The following GPC6 variants were observed in gnomAD, a reference collection of about 807,000 sequenced individuals.
GPC6 encodes the protein glypican-6.
Under a neutral mutation model 55.2 loss-of-function variants are expected in GPC6, and 14 were observed. The ratio of observed to expected loss-of-function variants is 0.25; its 90% CI spans 0.17 to 0.40. GPC6 has a LOEUF of 0.40. GPC6 is among the 10% of genes least tolerant of loss of function. GPC6 has a pLI of 1.00. For synonymous variants in GPC6, 278 were observed against 259.6 expected (o/e 1.07, Z -0.68); for missense variants, 641 against 708.5 (o/e 0.90, Z 1.08).
chr13:93,923,045 A>G (rs555448425), intron 3 of GPC6, among the ~76,000 whole-genome samples: 1 of 152,336 alleles, frequency 6.6e-6, no homozygotes, highest in Admixed American at 6.5e-5. Context: ...GACCAGACAG[A>G]TGCAAAGAAA....
chr13:93,725,645 T>C (rs1271609903), intron 2 of GPC6, among the ~76,000 whole-genome samples: 2 of 152,066 alleles, frequency 1.3e-5, no homozygotes, highest in African/African-American at 4.8e-5. Flanking sequence ...AGACTGTGCA[T>C]TACCAATAAT....
At chr13:93,655,112 G>A (rs1352339725) in intron 2 of GPC6, among the ~76,000 whole-genome samples, 1 of 148,484 alleles carries the variant, frequency 6.7e-6, no homozygotes, top group Non-Finnish European at 1.5e-5. Flanking sequence ...GCCTCCTAAA[G>A]TGCTGGGATT....
intron 4 of GPC6, among the ~76,000 whole-genome samples, chr13:94,079,518 T>TGG: frequency 6.6e-6 from 1 of 152,284 alleles, no homozygotes; most frequent in Admixed American, 6.5e-5. Context: ...ATGATGTATT[T>TGG]GAGTTCGTTG....
chr13:93,328,751 C>G (rs1267518889), intron 1 of GPC6, among the ~76,000 whole-genome samples: 1 of 151,568 alleles, frequency 6.6e-6, no homozygotes, highest in African/African-American at 2.4e-5. Flanking sequence ...TAGCGAGAAT[C>G]TATGAACTAT....
At chr13:93,653,146 T>C (rs1880492289) in intron 2 of GPC6, among the ~76,000 whole-genome samples, 1 of 152,188 alleles carries the variant, frequency 6.6e-6, no homozygotes, top group South Asian at 2.1e-4. Context: ...ATATGATGAA[T>C]GCTGTCAGTG....
chr13:94,084,947 A>G (rs76521581), intron 4 of GPC6, among the ~76,000 whole-genome samples: 2,561 of 152,168 alleles, frequency 0.017, 71 homozygotes, highest in African/African-American at 0.058. Flanking sequence ...GTGAGAGTTT[A>G]TGTCAAAAGT....
intron 1 of GPC6, among the ~76,000 whole-genome samples, chr13:93,457,606 A>G (rs1046530302): frequency 6.6e-6 from 1 of 152,154 alleles, no homozygotes; most frequent in African/African-American, 2.4e-5. Flanking sequence ...TGATCTCCCA[A>G]GTAAGGGAAG....
At chr13:93,408,501 A>T (rs1452627691) in intron 1 of GPC6, among the ~76,000 whole-genome samples, 1 of 152,170 alleles carries the variant, frequency 6.6e-6, no homozygotes, top group African/African-American at 2.4e-5. Context: ...AAACTGAGCA[A>T]TATTATTGGA....
intron 2 of GPC6, among the ~76,000 whole-genome samples, chr13:93,618,634 C>T (rs1042083407): frequency 6.6e-6 from 1 of 152,056 alleles, no homozygotes; most frequent in Non-Finnish European, 1.5e-5. Context: ...GCAGAACTCT[C>T]GAAGTCTGTA....
intron 3 of GPC6, among the ~76,000 whole-genome samples, chr13:93,992,699 G>A (rs908642969): frequency 1.3e-5 from 2 of 152,132 alleles, no homozygotes; most frequent in Non-Finnish European, 2.9e-5. Flanking sequence ...GTGAGATGAA[G>A]TCATTATTTA....
chr13:94,296,010 C>A (rs745634571), intron 5 of GPC6, among the ~76,000 whole-genome samples: 2 of 151,760 alleles, frequency 1.3e-5, no homozygotes, highest in Non-Finnish European at 2.9e-5. Context: ...CATTACCTAG[C>A]ACACATAAAA....
chr13:93,273,831 CAG>C (rs1251871387), intron 1 of GPC6, among the ~76,000 whole-genome samples: 3 of 151,498 alleles, frequency 2.0e-5, no homozygotes, highest in African/African-American at 4.8e-5. Context: ...TTTTTTGAGA[CAG>C]AGTCTCACTC....
chr13:93,421,399 A>G (rs949915482), intron 1 of GPC6, among the ~76,000 whole-genome samples: 1 of 151,900 alleles, frequency 6.6e-6, no homozygotes, highest in Non-Finnish European at 1.5e-5. Context: ...TTTTAGCATT[A>G]TTGTTATTTT....
chr13:94,117,854 A>G (rs558372030), intron 4 of GPC6, among the ~76,000 whole-genome samples: 2 of 152,214 alleles, frequency 1.3e-5, no homozygotes, highest in African/African-American at 4.8e-5. Context: ...ATGATTTCTG[A>G]ATATAGATTT....
intron 2 of GPC6, among the ~76,000 whole-genome samples, chr13:93,604,391 C>T (rs1369951359): frequency 6.6e-6 from 1 of 152,152 alleles, no homozygotes; most frequent in Non-Finnish European, 1.5e-5. Flanking sequence ...GAAGGCCTTG[C>T]TTGCTACCAA....
Position 93,705,648 on chromosome 13 carries a change from T to C in GPC6, c.320-124506T>C, listed in dbSNP as rs116291828. 4.5e-3 allele frequency among the ~76,000 whole-genome samples: 678 copies of C among 151,820 alleles called. 3 individuals are homozygous for C. The highest frequency in any genetic ancestry group is 0.015 in the African/African-American group (623 of 41,470). On this transcript the variant is annotated intron_variant, in intron 2 of 8. Transcript: ENST00000377047. ...ATTAAGTAGTGTTTCAGATAGTTAA[T>C]GGATATTGGGGATCAAAACATGAGA...
intron 1 of GPC6, among the ~76,000 whole-genome samples, chr13:93,229,090 TG>T (rs1444467134): frequency 6.6e-6 from 1 of 152,206 alleles, no homozygotes; most frequent in African/African-American, 2.4e-5. Context: ...TTTCTATCCT[TG>T]TTACTTCTTC....
chr13:93,583,499 A>T (rs886446907), intron 2 of GPC6, among the ~76,000 whole-genome samples: 1 of 152,014 alleles, frequency 6.6e-6, no homozygotes, highest in Non-Finnish European at 1.5e-5. Flanking sequence ...GCTCACCGCA[A>T]CCTCCGCCTC....
chr13:93,642,069 T>A (rs989340168), intron 2 of GPC6, among the ~76,000 whole-genome samples: 1 of 152,038 alleles, frequency 6.6e-6, no homozygotes, highest in African/African-American at 2.4e-5. Context: ...TGCATGATAT[T>A]GAGGTTTGGG....
Sources: allele counts gnomAD v4.1 joint callset (sites outside exome capture counted in the v4.1 genomes callset), GRCh38; gene constraint gnomAD v4.1.1; transcripts MANE v1.5; gene names NCBI Gene and HGNC (gene_info 2026-07-23, HGNC 2026-07-21).